The following SLC6A7 variants were observed in gnomAD, a reference collection of about 807,000 sequenced individuals.
The protein encoded by SLC6A7 is sodium-dependent proline transporter.
A neutral mutation model predicts 73.1 loss-of-function variants in SLC6A7; 58 were observed. The observed-to-expected ratio is 0.79, with a 90% CI of 0.64 to 0.99. The LOEUF (loss-of-function observed/expected upper bound fraction) is 0.99. SLC6A7 is among the 50% of genes least tolerant of loss of function. The pLI is 0.00. For missense variants in SLC6A7, 783 were observed against 831.4 expected, an observed-to-expected ratio of 0.94 and a Z score of 0.72; for synonymous variants, 338 against 338.7, an observed-to-expected ratio of 1.00 and a Z score of 0.02.
At chr5:150,200,258 C>T (rs141130740) in intron 5 of SLC6A7, among the ~76,000 whole-genome samples, 4,232 of 152,228 alleles carry the variant, frequency 0.028, 173 homozygotes, top group African/African-American at 0.095. Context: ...TTTGGGAAGC[C>T]GAGGTGGGTG....
rs1753950377 is a variant in SLC6A7 at position 150,210,944 on chromosome 5, G to A, written c.*1329G>A. On this transcript the variant is annotated 3_prime_UTR_variant, in exon 14 of 14. Transcript: ENST00000230671. ...TCATGCACACAGCATTCTCCCGTGG[G>A]GCAGGGTTCCCTCATGCAACAGGCC... 6.6e-6 allele frequency: 1 copy of A among 152,578 alleles called. No homozygotes were observed. The highest frequency in any genetic ancestry group is 6.5e-5 in the Admixed American group (1 of 15,282). 9.5% of individuals were successfully genotyped at this position (152,578 alleles called of 1,614,324 possible). A position where few individuals can be genotyped will look rare whatever the true frequency, so the allele number is the denominator to read the frequency against.
chr5:150,191,106 T>C (rs1752763024), intron 1 of SLC6A7, among the ~76,000 whole-genome samples: 1 of 152,190 alleles, frequency 6.6e-6, no homozygotes, highest in African/African-American at 2.4e-5. Context: ...CAGTCCTAAC[T>C]AAGGAGTCAG....
chr5:150,198,109 AAGAAAGAGAAAG>A (rs766426482), intron 4 of SLC6A7, among the ~76,000 whole-genome samples: 2,354 of 105,508 alleles, frequency 0.022, 56 homozygotes, highest in South Asian at 0.03. Context: ...GAAAGAAAGA[AAGAAAGAGAAAG>A]AAAGAAAGAA....
At position 150,207,671 on chromosome 5, in the gene SLC6A7, C is replaced by T. The variant is rs75759975; in HGVS notation, c.1702-1735C>T. Among the ~76,000 whole-genome samples, 19 of 152,292 alleles carry T rather than the reference C, an allele frequency of 1.2e-4. No individual in the cohort carries two copies. In the East Asian group the frequency reaches 3.1e-3, roughly 25 times the overall value. On this transcript the variant is annotated intron_variant, in intron 13 of 13. Coordinates refer to ENST00000230671, the MANE Select transcript of SLC6A7 (RefSeq NM_014228.5). ...GAGTCAGGACGGGTTCAAATCCCAA[C>T]GCCACCACTTCCCACCTGTGTGACC...
In SLC6A7 at chr5:150,190,366, G is replaced by A. The variant is rs1310369752; in HGVS notation, c.33+6G>A. The A allele has an allele frequency of 1.4e-5, 21 of 1,491,234 alleles. No homozygotes were observed. The highest frequency in any genetic ancestry group is 1.9e-5 in the Non-Finnish European group (21 of 1,122,434). 92.4% of individuals were successfully genotyped at this position (1,491,234 alleles called of 1,614,324 possible). On this transcript the variant is annotated splice_donor_region_variant and intron_variant, in intron 1 of 13. Coordinates refer to ENST00000230671, the MANE Select transcript of SLC6A7 (RefSeq NM_014228.5). Reference sequence around the variant, plus strand: ...AGGGAGCTCACCTCCGCAAGGTAGGGCACGAGGGCGGGGGCGCTGGGGGTG... The same window carrying A: ...AGGGAGCTCACCTCCGCAAGGTAGGACACGAGGGCGGGGGCGCTGGGGGTG...
rs993719501 is a variant in SLC6A7 at position 150,210,576 on chromosome 5, C to T, written c.*961C>T. 1 of 152,436 alleles carries T rather than the reference C, an allele frequency of 6.6e-6. No homozygotes were observed. Among genetic ancestry groups the T allele is most frequent in the African/African-American group, 2.4e-5 (1 of 41,452 alleles). The allele number at this position is 152,436 out of a possible 1,614,324, so 9.4% of individuals were successfully genotyped here. A position where few individuals can be genotyped will look rare whatever the true frequency, so the allele number is the denominator to read the frequency against. ...CCCAGCACTTCAGACAAAGACCACCCCTTCACCCACTGGACCCCAAGCCGC... is the reference window on the plus strand; with the variant it reads ...CCCAGCACTTCAGACAAAGACCACCTCTTCACCCACTGGACCCCAAGCCGC... On this transcript the variant is annotated 3_prime_UTR_variant, in exon 14 of 14. Coordinates refer to ENST00000230671, the MANE Select transcript of SLC6A7 (RefSeq NM_014228.5).
At chr5:150,191,437 T>G (rs1436575458) in intron 1 of SLC6A7, among the ~76,000 whole-genome samples, 2 of 49,938 alleles carry the variant, frequency 4.0e-5, no homozygotes, top group African/African-American at 6.5e-5. Flanking sequence ...CTTTTTCTTG[T>G]TTTTTTTTTT....
At position 150,209,470 on chromosome 5, in the gene SLC6A7, G is replaced by T; in HGVS notation, c.1766G>T (p.Gly589Val). The change falls in exon 14 of 14, where the codon GGC becomes GTC. Residue 589 changes from glycine (G) to valine (V), a missense_variant. By Grantham distance (109) the Gly-to-Val change is moderately radical. Transcript: ENST00000230671. ...CCATCGCTGGAGGAGAACCGGACGG[G>T]CATGTATGTGGCCACGCTGGCTGGG... is the stretch of plus-strand genomic sequence containing the variant. ...WGPSLEENRT[G>V]MYVATLAGSQ... 1.2e-6 allele frequency: 2 copies of T among 1,614,194 alleles called. No homozygotes were observed. Among genetic ancestry groups the T allele is most frequent in the Non-Finnish European group, 8.5e-7 (1 of 1,180,044 alleles).
chr5:150,191,618 G>T (rs1580849357), intron 1 of SLC6A7, among the ~76,000 whole-genome samples: 1 of 152,192 alleles, frequency 6.6e-6, no homozygotes, highest in South Asian at 2.1e-4. Flanking sequence ...TTTTAGTAGA[G>T]ACGGGGTTTC....
At position 150,202,591 on chromosome 5, in the gene SLC6A7, C is replaced by A. The variant is rs774278344; in HGVS notation, c.975C>A (p.Ile325=). Residue 325 remains isoleucine, a synonymous_variant, in exon 8 of 14, where the codon ATC becomes ATA. Coordinates refer to ENST00000230671, the MANE Select transcript of SLC6A7 (RefSeq NM_014228.5). The part of the protein sequence containing the change: ...FHQNIYRDTF[I]VTLGNAITSI... Reference sequence around the variant, plus strand: ...CTTCTTCTGGTAGAGACACTTTCATCGTCACTCTGGGCAACGCCATCACCA... The same window carrying A: ...CTTCTTCTGGTAGAGACACTTTCATAGTCACTCTGGGCAACGCCATCACCA... 1.9e-6 allele frequency: 3 copies of A among 1,614,172 alleles called. No homozygotes were observed. The highest frequency in any genetic ancestry group is 1.1e-5 in the South Asian group (1 of 91,072).
chr5:150,209,166 C>T (rs551874436), intron 13 of SLC6A7, among the ~76,000 whole-genome samples: 49 of 152,358 alleles, frequency 3.2e-4, no homozygotes, highest in Middle Eastern at 3.4e-3. Context: ...GCAGAGCACC[C>T]AGAGCCGAGC....
chr5:150,199,315 C>A lies in SLC6A7; in HGVS notation c.672C>A (p.Ala224=). ...ACCTCTGCCTCTGCCTGCTGCTGGC[C>A]TGGGTCATCGTGTTCCTCTGTATCC... The part of the protein sequence containing the change: ...RWNLCLCLLL[A]WVIVFLCILK... Residue 224 remains alanine, a synonymous_variant, in exon 5 of 14, where the codon GCC becomes GCA. Transcript: ENST00000230671. 6.2e-7 allele frequency: 1 copy of A among 1,614,154 alleles called. No homozygotes were observed. The highest frequency in any genetic ancestry group is 8.5e-7 in the Non-Finnish European group (1 of 1,180,010).
chr5:150,201,204 A>C lies in SLC6A7; in HGVS notation c.839A>C (p.His280Pro), dbSNP rs770392016. Reference sequence around the variant, plus strand: ...CAGTTCTATCTCACCCCCCAGTTCCACCACTTGTTGTCTTCCAAGGTGAGC... The same window carrying C: ...CAGTTCTATCTCACCCCCCAGTTCCCCCACTTGTTGTCTTCCAAGGTGAGC... ...GIQFYLTPQF[H>P]HLLSSKVWIE... The change falls in exon 6 of 14, where the codon CAC becomes CCC. Residue 280 changes from histidine (H) to proline (P), a missense_variant. Coordinates refer to ENST00000230671, the MANE Select transcript of SLC6A7 (RefSeq NM_014228.5). 1 of 1,612,014 alleles carries C rather than the reference A, an allele frequency of 6.2e-7. No homozygotes were observed.
chr5:150,197,318 C>A, intron 4 of SLC6A7, 42 bp downstream of exon 4: 1 of 1,373,378 alleles, frequency 7.3e-7, no homozygotes, highest in Non-Finnish European at 1.0e-6. Context: ...GGGGACCCTG[C>A]ACTGCTGAGG....
At position 150,209,494 on chromosome 5, in the gene SLC6A7, G is replaced by C; in HGVS notation, c.1790G>C (p.Gly597Ala). ...RTGMYVATLA[G>A]SQSPKPLMVH... ...GGCATGTATGTGGCCACGCTGGCTG[G>C]GAGCCAGTCACCAAAGCCACTGATG... is the stretch of plus-strand genomic sequence containing the variant. Residue 597 changes from glycine to alanine, a missense_variant, in exon 14 of 14, where the codon GGG (glycine) becomes GCG (alanine). Physicochemically the swap from Gly to Ala is moderately conservative, Grantham distance 60. Coordinates refer to ENST00000230671, the MANE Select transcript of SLC6A7 (RefSeq NM_014228.5). 1.2e-6 allele frequency: 2 copies of C among 1,614,182 alleles called. No individual in the cohort carries two copies. The highest frequency in any genetic ancestry group is 2.2e-5 in the South Asian group (2 of 91,088).
chr5:150,204,668 G>A (rs377225536), intron 11 of SLC6A7, 37 bp downstream of exon 11: 116 of 1,503,506 alleles, frequency 7.7e-5, no homozygotes, highest in African/African-American at 4.4e-4. Flanking sequence ...CGAGCTCTCC[G>A]CAGTGGGAGA....
rs1334457194 is a variant in SLC6A7, at chr5:150,209,888, C to T, written c.*273C>T. 2.1e-6 allele frequency: 1 copy of T among 482,250 alleles called. No homozygotes were observed. The highest frequency in any genetic ancestry group is 3.8e-6 in the Non-Finnish European group (1 of 263,654). The allele number at this position is 482,250 out of a possible 1,614,324, so 29.9% of individuals were successfully genotyped here. On this transcript the variant is annotated 3_prime_UTR_variant, in exon 14 of 14. Transcript: ENST00000230671. ...ACTTTGCGGATGGACATATTAAGGC[C>T]AGGAGGGGAGGGACTTGCCCCAGGT...
rs776867730 is a variant in SLC6A7 at position 150,202,580 on chromosome 5, G to A, written c.964G>A (p.Asp322Asn). The change falls in exon 8 of 14, where the codon GAC becomes AAC. Residue 322 changes from aspartate to asparagine, a missense_variant and splice_region_variant. Asp to Asn is a conservative substitution (Grantham distance 23, BLOSUM62 1). Transcript: ENST00000230671. ...YNTFHQNIYRDTFIVTLGNAI... is the reference protein window; with the variant it reads ...YNTFHQNIYRNTFIVTLGNAI... The stretch of plus-strand genomic sequence containing the variant: ...CCGCACCTGGACTTCTTCTGGTAGA[G>A]ACACTTTCATCGTCACTCTGGGCAA... The A allele has an allele frequency of 3.1e-6, 5 of 1,614,180 alleles. 1 individual carries two copies. The South Asian group carries it at 5.5e-5, about 18-fold the overall frequency.
chr5:150,199,195 A>G (rs994169043), intron 4 of SLC6A7, 33 bp from the exon 5 acceptor site: 1 of 1,554,804 alleles, frequency 6.4e-7, no homozygotes, highest in Admixed American at 1.8e-5. Flanking sequence ...TGGTGGGGTG[A>G]CCAGGGGACA....
Sources: gnomAD v4.1 joint callset for allele counts (sites outside exome capture counted in the v4.1 genomes callset) on GRCh38, gnomAD v4.1.1 for gene constraint, MANE v1.5 for transcripts, NCBI Gene and HGNC (gene_info 2026-07-23, HGNC 2026-07-21) for gene names.